RAPH1: variants seen among roughly 807,000 people sequenced by gnomAD.
RAPH1 encodes the protein Ras association (RalGDS/AF-6) and pleckstrin homology domains 1.
A neutral mutation model predicts 88.1 loss-of-function variants in RAPH1; 18 were observed. That is an observed-to-expected ratio of 0.20 (90% CI 0.14 to 0.30). The LOEUF (loss-of-function observed/expected upper bound fraction) is 0.30, where lower values mean the gene tolerates loss of function less well. Ranked by LOEUF, RAPH1 falls within the 10% of genes least tolerant of loss-of-function variation. The pLI, the probability that RAPH1 is intolerant of heterozygous loss-of-function variation, is 1.00. For missense variants in RAPH1, 1,448 were observed against 1,543.2 expected (o/e 0.94, Z 1.03); for synonymous variants, 587 against 559.0 (o/e 1.05, Z -0.71).
At position 203,434,266 on chromosome 2, in the gene RAPH1, TAAA is replaced by T. The variant is rs906581739; in HGVS notation, c.*5168_*5170del. ...GAAGTTCCTTGTCTTCTTCATGCTT[TAAA>T]AAAGTATACTTCTACATTGTATCTA... is the stretch of plus-strand genomic sequence containing the variant. On this transcript the variant is annotated 3_prime_UTR_variant, in exon 14 of 14. Coordinates refer to ENST00000319170, the MANE Select transcript of RAPH1 (RefSeq NM_213589.3). 1 of 152,566 alleles carries T rather than the reference TAAA, an allele frequency of 6.6e-6. No individual in the cohort carries two copies. Among genetic ancestry groups the T allele is most frequent in the Non-Finnish European group, 1.5e-5 (1 of 68,016 alleles). The allele number at this position is 152,566 out of a possible 1,614,324, so 9.5% of individuals were successfully genotyped here.
At chr2:203,469,781 T>C (rs1034628758) in intron 4 of RAPH1, among the ~76,000 whole-genome samples, 1 of 152,204 alleles carries the variant, frequency 6.6e-6, no homozygotes, top group African/African-American at 2.4e-5. Flanking sequence ...CTCTTTCAAT[T>C]TGACTAAGTT....
chr2:203,492,730 A>C lies in RAPH1; in HGVS notation c.121-1411T>G, dbSNP rs190076341. 8.5e-5 allele frequency among the ~76,000 whole-genome samples: 13 copies of C among 152,302 alleles called. No homozygotes were observed. The East Asian group carries it at 2.3e-3, about 27-fold the overall frequency. On this transcript the variant is annotated intron_variant, in intron 2 of 13. Transcript: ENST00000319170. Reference sequence around the variant, plus strand: ...TACAGTAAGCACTGAACAAGCTTCAAATTTTAAAAGAATGCTGGATACTCT... The same window carrying C: ...TACAGTAAGCACTGAACAAGCTTCACATTTTAAAAGAATGCTGGATACTCT...
rs1688911592 is a variant in RAPH1, at chr2:203,504,894, C to A, written c.1-9541G>T. Among the ~76,000 whole-genome samples, 3 of 152,310 alleles carry A rather than the reference C, an allele frequency of 2.0e-5. No individual in the cohort carries two copies. The East Asian group carries it at 5.8e-4, about 29-fold the overall frequency. ...CGCAGGGGCAAAATGCCGCCAGTGT[C>A]TTTGCTAAAACATAATGAGAGTCAC... On this transcript the variant is annotated intron_variant, in intron 1 of 13. Transcript: ENST00000319170.
At position 203,444,696 on chromosome 2, in the gene RAPH1, C is replaced by A. The variant is rs190580470; in HGVS notation, c.1776+172G>T. ...ACTCATTTCCAAGGGGAAGTCAAAT[C>A]AACAGGTCTCTCTGAACTGTCTTTA... is the stretch of plus-strand genomic sequence containing the variant. On this transcript the variant is annotated intron_variant, in intron 13 of 13. Transcript: ENST00000319170. The A allele has an allele frequency of 2.0e-3, 938 of 475,060 alleles. 11 individuals carry two copies. The highest frequency in any genetic ancestry group is 0.017 in the African/African-American group (866 of 50,224). 29.4% of individuals were successfully genotyped at this position (475,060 alleles called of 1,614,324 possible). A position where few individuals can be genotyped will look rare whatever the true frequency, so the allele number is the denominator to read the frequency against.
chr2:203,441,241 G>A lies in RAPH1; in HGVS notation c.1949C>T (p.Pro650Leu). The A allele has an allele frequency of 6.7e-7, 1 of 1,502,958 alleles. No individual in the cohort carries two copies. Among genetic ancestry groups the A allele is most frequent in the Non-Finnish European group, 9.1e-7 (1 of 1,093,612 alleles). 93.1% of individuals were successfully genotyped at this position (1,502,958 alleles called of 1,614,324 possible). The stretch of plus-strand genomic sequence containing the variant: ...GCCTGCAGAAGGTGCAGACTGGCTG[G>A]GGAGTGGGGGAGGAGGGGGTGGTGG... ...PPPPPPPPPL[P>L]SQSAPSAGSA... is the part of the protein sequence containing the mutation. Residue 650 changes from proline (P) to leucine (L), a missense_variant, in exon 14 of 14, where the codon CCC (proline) becomes CTC (leucine). Pro to Leu is a moderately conservative substitution (Grantham distance 98, BLOSUM62 -3). This residue lies in a region of RAPH1 where 935 missense variants were observed against 890.1 expected (regional missense o/e 1.05). Coordinates refer to ENST00000319170, the MANE Select transcript of RAPH1 (RefSeq NM_213589.3).
intron 1 of RAPH1, among the ~76,000 whole-genome samples, chr2:203,523,309 C>A (rs1033462096): frequency 7.3e-5 from 11 of 150,310 alleles, no homozygotes; most frequent in Non-Finnish European, 1.3e-4. Context: ...AGGAGAATGG[C>A]GTGAATACGG....
intron 10 of RAPH1, among the ~76,000 whole-genome samples, chr2:203,450,751 T>G (rs2098514154): frequency 6.6e-6 from 1 of 152,220 alleles, no homozygotes; most frequent in African/African-American, 2.4e-5. Context: ...GGTTCAGAGA[T>G]CTCAGCAAGC....
rs1433479329 is a variant in RAPH1, at chr2:203,448,968, T to C, written c.1414-132A>G. 2.6e-5 allele frequency: 12 copies of C among 454,030 alleles called. No homozygotes were observed. The highest frequency in any genetic ancestry group is 1.4e-4 in the South Asian group (2 of 14,764). The allele number at this position is 454,030 out of a possible 1,614,324, so 28.1% of individuals were successfully genotyped here. A position where few individuals can be genotyped will look rare whatever the true frequency, so the allele number is the denominator to read the frequency against. ...ATGGCCAATACATTTATGCTTCTTA[T>C]ATGGCCATAAGGCCAAATAAAGTAG... On this transcript the variant is annotated intron_variant, in intron 10 of 13. Transcript: ENST00000319170. The surrounding 1 kb of genome is among the most constrained non-coding windows in gnomAD (Gnocchi z 4.1).
chr2:203,440,896 GGGGGGGGTGTT>G lies in RAPH1; in HGVS notation c.2283_2293del (p.Pro763SerfsTer156). On this transcript the variant is annotated frameshift_variant, in exon 14 of 14. Coordinates refer to ENST00000319170, the MANE Select transcript of RAPH1 (RefSeq NM_213589.3). LOFTEE classifies it low-confidence loss of function (END_TRUNC). ...GAGGGGTGCAGGGATAGGAGGAGGT[GGGGGGGGTGTT>G]GGGGGAGCCACCTGAGTAATATGCT... 1 of 1,440,240 alleles carries G rather than the reference GGGGGGGGTGTT, an allele frequency of 6.9e-7. No individual in the cohort carries two copies. The highest frequency in any genetic ancestry group is 9.5e-7 in the Non-Finnish European group (1 of 1,053,778). 89.2% of individuals were successfully genotyped at this position (1,440,240 alleles called of 1,614,324 possible).
chr2:203,487,269 A>G (rs576308753), intron 4 of RAPH1, among the ~76,000 whole-genome samples: 1 of 152,366 alleles, frequency 6.6e-6, no homozygotes, highest in South Asian at 2.1e-4. Flanking sequence ...GCACATCCCT[A>G]ATAAAATATT....
chr2:203,441,456 A>T, intron 13 of RAPH1, 43 bp from the exon 14 acceptor site: 1 of 1,491,612 alleles, frequency 6.7e-7, no homozygotes, highest in Non-Finnish European at 8.9e-7. Flanking sequence ...GAAAAACACA[A>T]CAAACAAAAC....
At chr2:203,471,526 C>T (rs558048208) in intron 4 of RAPH1, among the ~76,000 whole-genome samples, 208 of 152,096 alleles carry the variant, frequency 1.4e-3, no homozygotes, top group African/African-American at 4.8e-3. Flanking sequence ...GCAGAAGAAT[C>T]GCTTGAACTT....
chr2:203,470,164 A>G (rs1370616978), intron 4 of RAPH1: 1 of 934,204 alleles, frequency 1.1e-6, no homozygotes, highest in Non-Finnish European at 1.7e-6. Context: ...ATAATATAAG[A>G]GCATGATCAA....
At chr2:203,464,761 T>C (rs888049193) in intron 4 of RAPH1, among the ~76,000 whole-genome samples, 1 of 150,202 alleles carries the variant, frequency 6.7e-6, no homozygotes, top group Non-Finnish European at 1.5e-5. Context: ...GATAAAGAAC[T>C]GTTATAAAAA....
chr2:203,503,294 T>C (rs1688827391), intron 1 of RAPH1, among the ~76,000 whole-genome samples: 1 of 152,210 alleles, frequency 6.6e-6, no homozygotes, highest in Non-Finnish European at 1.5e-5. Context: ...TATTAGTCTG[T>C]TTTCATGCTG....
intron 1 of RAPH1, among the ~76,000 whole-genome samples, chr2:203,513,264 C>A (rs549921354): frequency 7.2e-4 from 109 of 151,910 alleles, no homozygotes; most frequent in Non-Finnish European, 1.4e-3. Context: ...ACTCCTCCAA[C>A]CCCATTCTAT....
intron 13 of RAPH1, chr2:203,442,057 G>A (rs749326290): frequency 6.3e-7 from 1 of 1,595,560 alleles, no homozygotes; most frequent in South Asian, 1.2e-5. Context: ...AGGTAAAGGG[G>A]GGACATTCTT....
chr2:203,456,852 TTTA>T (rs2098519987), intron 8 of RAPH1, among the ~76,000 whole-genome samples: 1 of 152,194 alleles, frequency 6.6e-6, no homozygotes, highest in South Asian at 2.1e-4. Context: ...TATTTAATTA[TTTA>T]AGGATAAGGC....
Position 203,440,745 on chromosome 2 carries a change from C to T in RAPH1, c.2445G>A (p.Lys815=), listed in dbSNP as rs1263516924. ...TPTPPVPPAK[K]QPAFPASYIP... is the part of the protein sequence containing the mutation. ...TGTAAGAAGCAGGGAAAGCTGGCTG[C>T]TTTTTTGCTGGGGGCACTGGAGGAG... is the stretch of plus-strand genomic sequence containing the variant. Residue 815 remains lysine (K), a synonymous_variant, in exon 14 of 14, where the codon AAG becomes AAA. Transcript: ENST00000319170. 1.9e-6 allele frequency: 3 copies of T among 1,608,534 alleles called. No individual in the cohort carries two copies. Among genetic ancestry groups the T allele is most frequent in the Non-Finnish European group, 2.5e-6 (3 of 1,178,304 alleles).
Sources: allele counts gnomAD v4.1 joint callset (sites outside exome capture counted in the v4.1 genomes callset), GRCh38; gene constraint gnomAD v4.1.1; regional missense constraint gnomAD v4.1.1; non-coding constraint Gnocchi (gnomAD v3.1); transcripts MANE v1.5; gene names NCBI Gene and HGNC (gene_info 2026-07-23, HGNC 2026-07-21).